The following DNAH2 variants were observed in gnomAD, a reference collection of about 807,000 sequenced individuals.
DNAH2 encodes dynein axonemal heavy chain 2.
In DNAH2, 323 loss-of-function variants were observed where a neutral mutation model predicts 523.5. The observed-to-expected ratio is 0.62, with a 90% CI of 0.56 to 0.68. The LOEUF (loss-of-function observed/expected upper bound fraction) is 0.68. DNAH2 is among the 30% of genes least tolerant of loss of function. The probability of loss-of-function intolerance (pLI) is 0.00; values close to 1 mark genes in which losing one functional copy is unlikely to be tolerated. For synonymous variants in DNAH2, 2,093 were observed against 2,177.4 expected, an observed-to-expected ratio of 0.96 and a Z score of 1.08; for missense variants, 4,907 against 5,701.5, an observed-to-expected ratio of 0.86 and a Z score of 4.49.
intron 39 of DNAH2, among the ~76,000 whole-genome samples, chr17:7,784,619 A>G (rs866641837): frequency 6.6e-6 from 1 of 152,244 alleles, no homozygotes; most frequent in South Asian, 2.1e-4. Context: ...TGGACCATGT[A>G]GGAAAAGGAA....
At chr17:7,761,980 C>A (rs577258579) in intron 18 of DNAH2, among the ~76,000 whole-genome samples, 177 of 151,930 alleles carry the variant, frequency 1.2e-3, no homozygotes, top group Non-Finnish European at 1.8e-3. Context: ...ATAAAAGTAT[C>A]GCTGAAAGAG....
intron 58 of DNAH2, 43 bp from the exon 59 acceptor site, chr17:7,804,213 G>A (rs775757365): frequency 1.6e-5 from 26 of 1,605,018 alleles, no homozygotes; most frequent in South Asian, 6.7e-5. Context: ...CGCGCTTTCC[G>A]GAAGCCCCGC....
At chr17:7,745,261 CTGGGATTA>C (rs1177979279) in intron 12 of DNAH2, among the ~76,000 whole-genome samples, 56 of 152,234 alleles carry the variant, frequency 3.7e-4, no homozygotes, top group African/African-American at 1.3e-3. Flanking sequence ...TCCCAAAGTG[CTGGGATTA>C]CAGGCATGAG....
In DNAH2 at chr17:7,786,069, C is replaced by G. The variant is rs2076724228; in HGVS notation, c.6130-55C>G. ...TCTGGCACCGGGGAGATTTTGAAAG[C>G]CCTTTAAAGGCCTCATCCTTTTTCT... On this transcript the variant is annotated intron_variant, in intron 39 of 85. Transcript: ENST00000572933. The surrounding 1 kb of genome is among the most constrained non-coding windows in gnomAD (Gnocchi z 7.5). 2.5e-6 allele frequency: 4 copies of G among 1,579,798 alleles called. No homozygotes were observed. The highest frequency in any genetic ancestry group is 3.5e-6 in the Non-Finnish European group (4 of 1,152,794).
Position 7,796,669 on chromosome 17 carries a change from C to A in DNAH2, c.7863+17C>A, listed in dbSNP as rs766483179. 6.2e-7 allele frequency: 1 copy of A among 1,602,836 alleles called. No individual in the cohort carries two copies. Among genetic ancestry groups the A allele is most frequent in the Non-Finnish European group, 8.5e-7 (1 of 1,174,602 alleles). Reference sequence around the variant, plus strand: ...ATCTCCAAGGTGACTCGCGGCCTGACCTTGCCCCTTCTGCTTGGCCCAGCC... The same window carrying A: ...ATCTCCAAGGTGACTCGCGGCCTGAACTTGCCCCTTCTGCTTGGCCCAGCC... On this transcript the variant is annotated intron_variant, in intron 50 of 85. Transcript: ENST00000572933.
intron 11 of DNAH2, among the ~76,000 whole-genome samples, chr17:7,742,194 C>T (rs1418909982): frequency 3.3e-5 from 5 of 151,950 alleles, no homozygotes; most frequent in African/African-American, 1.2e-4. Flanking sequence ...CTTTGGGAGG[C>T]CAAGGTGGGT....
Position 7,759,036 on chromosome 17 carries a change from C to CTGTACAGCAGCTGA in DNAH2, c.2370_2371insCTGATGTACAGCAG (p.Lys791LeufsTer7). The CTGTACAGCAGCTGA allele has an allele frequency of 6.2e-7, 1 of 1,614,196 alleles. No individual in the cohort carries two copies. The highest frequency in any genetic ancestry group is 8.5e-7 in the Non-Finnish European group (1 of 1,180,048). Reference sequence around the variant, plus strand: ...GAGGACCAAAGAGAGCATCGGGCAGCTGTACAGCAGAAATTGATGAACCTG... The same window carrying CTGTACAGCAGCTGA: ...GAGGACCAAAGAGAGCATCGGGCAGCTGTACAGCAGCTGATGTACAGCAGAAATTGATGAACCTG... On this transcript the variant is annotated frameshift_variant, in exon 15 of 86. Coordinates refer to ENST00000572933, the MANE Select transcript of DNAH2 (RefSeq NM_020877.5). LOFTEE classifies it high-confidence loss of function.
intron 12 of DNAH2, among the ~76,000 whole-genome samples, chr17:7,744,539 G>A (rs2075458864): frequency 6.6e-6 from 1 of 152,126 alleles, no homozygotes; most frequent in Admixed American, 6.6e-5. Flanking sequence ...GCATCAGTGA[G>A]GAGGACAGGG....
At chr17:7,800,824 G>A (rs1054480887) in intron 56 of DNAH2, among the ~76,000 whole-genome samples, 7 of 147,306 alleles carry the variant, frequency 4.8e-5, no homozygotes, top group African/African-American at 7.5e-5. Flanking sequence ...CCTAGATGGC[G>A]CTACTGCACT....
intron 77 of DNAH2, among the ~76,000 whole-genome samples, chr17:7,825,994 G>A (rs1465970646): frequency 6.6e-6 from 1 of 152,164 alleles, no homozygotes; most frequent in Non-Finnish European, 1.5e-5. Context: ...TGAAGCAGGT[G>A]GATCACCTGA....
chr17:7,797,104 A>AT, intron 50 of DNAH2, 72 bp from the exon 51 acceptor site: 1 of 949,848 alleles, frequency 1.1e-6, no homozygotes. Context: ...TCTGTCCCAA[A>AT]AAAAAAAAAA....
chr17:7,817,620 T>G lies in DNAH2; in HGVS notation c.10080T>G (p.Asn3360Lys), dbSNP rs1567748714. 6.2e-7 allele frequency: 1 copy of G among 1,614,078 alleles called. No individual in the cohort carries two copies. Among genetic ancestry groups the G allele is most frequent in the African/African-American group, 1.3e-5 (1 of 74,984 alleles). ...TCGCCATCGATAACTTCCTGTGCAA[T>G]CCTACCAAAGTCCGGGACTGGAACA... The part of the protein sequence containing the change: ...PSFAIDNFLC[N>K]PTKVRDWNIQ... Residue 3360 changes from asparagine (N) to lysine (K), a missense_variant, in exon 66 of 86, where the codon AAT (asparagine) becomes AAG (lysine). Coordinates refer to ENST00000572933, the MANE Select transcript of DNAH2 (RefSeq NM_020877.5).
rs1354475489 is a variant in DNAH2 at position 7,727,206 on chromosome 17, T to G, written c.313T>G (p.Phe105Val). The change falls in exon 4 of 86, where the codon TTT becomes GTT. Residue 105 changes from phenylalanine (F) to valine (V), a missense_variant. Physicochemically the swap from Phe to Val is conservative, Grantham distance 50. This residue lies in a region of DNAH2 where 2,806 missense variants were observed against 3,190.8 expected (regional missense o/e 0.88). Transcript: ENST00000572933. ...GGAGCATGATGCCATTCTGGAACAC[T>G]TTGCCCAGGACCCTACAGAATCCAT... ...TQEHDAILEH[F>V]AQDPTESILT... 6.2e-7 allele frequency: 1 copy of G among 1,608,888 alleles called. No homozygotes were observed. The highest frequency in any genetic ancestry group is 1.7e-5 in the Admixed American group (1 of 58,634).
At chr17:7,811,226 A>T (rs1441975286) in intron 63 of DNAH2, among the ~76,000 whole-genome samples, 1 of 152,246 alleles carries the variant, frequency 6.6e-6, no homozygotes, top group Non-Finnish European at 1.5e-5. Flanking sequence ...AGTTCAATTA[A>T]ATGACAGCAT....
chr17:7,757,344 C>A, intron 13 of DNAH2, 107 bp downstream of exon 13: 1 of 1,368,102 alleles, frequency 7.3e-7, no homozygotes, highest in Non-Finnish European at 9.8e-7. Flanking sequence ...CTGTCCTCTA[C>A]ATCTTTTCCA....
Position 7,817,647 on chromosome 17 carries a change from C to G in DNAH2, c.10107C>G (p.Ile3369Met). 6.2e-7 allele frequency: 1 copy of G among 1,614,138 alleles called. No individual in the cohort carries two copies. The highest frequency in any genetic ancestry group is 1.1e-5 in the South Asian group (1 of 91,078). The change falls in exon 66 of 86, where the codon ATC (isoleucine) becomes ATG (methionine). Residue 3369 changes from isoleucine (I) to methionine (M), a missense_variant. By Grantham distance (10) the Ile-to-Met change is conservative (BLOSUM62 1). This residue lies in a region of DNAH2 where 1,851 missense variants were observed against 2,139.4 expected (regional missense o/e 0.87). Transcript: ENST00000572933. ...CTACCAAAGTCCGGGACTGGAACAT[C>G]CAAGGGTTGCCCTCAGACGCCTTCT... ...CNPTKVRDWNIQGLPSDAFST... is the reference protein window; with the variant it reads ...CNPTKVRDWNMQGLPSDAFST...
At chr17:7,738,654 C>T (rs1457020996) in intron 8 of DNAH2, among the ~76,000 whole-genome samples, 1 of 152,104 alleles carries the variant, frequency 6.6e-6, no homozygotes, top group Non-Finnish European at 1.5e-5. Flanking sequence ...ATAATCTCTC[C>T]TCCCTGATCC....
chr17:7,730,892 A>C (rs1171283254), intron 4 of DNAH2, among the ~76,000 whole-genome samples: 1 of 152,098 alleles, frequency 6.6e-6, no homozygotes. Flanking sequence ...AGGCGGGTGG[A>C]TTGCCTGAGC....
At position 7,727,221 on chromosome 17, in the gene DNAH2, A is replaced by G. The variant is rs747899399; in HGVS notation, c.328A>G (p.Thr110Ala). ...AILEHFAQDP[T>A]ESILTIFIDP... ...TCTGGAACACTTTGCCCAGGACCCTACAGAATCCATCCTCACCATCTTCAT... is the reference window on the plus strand; with the variant it reads ...TCTGGAACACTTTGCCCAGGACCCTGCAGAATCCATCCTCACCATCTTCAT... Residue 110 changes from threonine (T) to alanine (A), a missense_variant, in exon 4 of 86, where the codon ACA becomes GCA. Coordinates refer to ENST00000572933, the MANE Select transcript of DNAH2 (RefSeq NM_020877.5). The G allele has an allele frequency of 1.2e-6, 2 of 1,611,530 alleles. No individual in the cohort carries two copies. Among genetic ancestry groups the G allele is most frequent in the Non-Finnish European group, 1.7e-6 (2 of 1,178,998 alleles).
Sources: allele counts gnomAD v4.1 joint callset (sites outside exome capture counted in the v4.1 genomes callset), GRCh38; gene constraint gnomAD v4.1.1; regional missense constraint gnomAD v4.1.1; non-coding constraint Gnocchi (gnomAD v3.1); transcripts MANE v1.5; gene names NCBI Gene and HGNC (gene_info 2026-07-23, HGNC 2026-07-21).